INPP5A: variants seen among roughly 807,000 people sequenced by gnomAD.
The protein encoded by INPP5A is inositol polyphosphate-5-phosphatase A.
In INPP5A, 14 loss-of-function variants were observed where a neutral mutation model predicts 65.2. That is an observed-to-expected ratio of 0.21 (90% confidence interval 0.14 to 0.34). INPP5A has a LOEUF of 0.34. Ranked by LOEUF, INPP5A falls within the 10% of genes least tolerant of loss-of-function variation. The probability of loss-of-function intolerance (pLI) is 1.00; values close to 1 mark genes in which losing one functional copy is unlikely to be tolerated. For missense variants in INPP5A, 431 were observed against 545.6 expected, an observed-to-expected ratio of 0.79 and a Z score of 2.09; for synonymous variants, 207 against 208.3, an observed-to-expected ratio of 0.99 and a Z score of 0.05.
intron 1 of INPP5A, among the ~76,000 whole-genome samples, chr10:132,583,803 C>T (rs553105509): frequency 6.6e-6 from 1 of 152,218 alleles, no homozygotes; most frequent in Non-Finnish European, 1.5e-5. Context: ...TATTTTGGGC[C>T]AGGCACAGTG....
In INPP5A at chr10:132,650,542, A is replaced by T. The variant is rs377148842; in HGVS notation, c.306+37A>T. 2.1e-5 allele frequency: 32 copies of T among 1,490,200 alleles called. No individual in the cohort carries two copies. Among genetic ancestry groups the T allele is most frequent in the Non-Finnish European group, 2.9e-5 (31 of 1,069,816 alleles). 92.3% of individuals were successfully genotyped at this position (1,490,200 alleles called of 1,614,324 possible). On this transcript the variant is annotated intron_variant, in intron 4 of 15. Transcript: ENST00000368594. This position sits in a 1 kb window ranked among gnomAD's most constrained non-coding sequence, Gnocchi z 5.5. ...CCGCTGCCTGGTGCAGGGGTCAGAC[A>T]GGCTGGCCTTGGCAGAAGCCAGCCC...
chr10:132,629,931 T>G (rs146038448), intron 2 of INPP5A, among the ~76,000 whole-genome samples: 3,341 of 150,828 alleles, frequency 0.022, 51 homozygotes, highest in Middle Eastern at 0.076. Context: ...CCAAGAAGGG[T>G]GGGCGTCCTT....
rs1387843357 is a variant in INPP5A at position 132,697,193 on chromosome 10, CTTGGGTG to C, written c.371-621_371-615del. Reference sequence around the variant, plus strand: ...CCTGCCATCCTTGATCACACCCCACCTTGGGTGTGGAGCTACCTGTCCATAAAAAGAA... The same window carrying C: ...CCTGCCATCCTTGATCACACCCCACCTGGAGCTACCTGTCCATAAAAAGAA... On this transcript the variant is annotated intron_variant, in intron 5 of 15. Coordinates refer to ENST00000368594, the MANE Select transcript of INPP5A (RefSeq NM_005539.5). This position sits in a 1 kb window ranked among gnomAD's most constrained non-coding sequence, Gnocchi z 5.6. 1.3e-5 allele frequency among the ~76,000 whole-genome samples: 2 copies of C among 152,272 alleles called. No individual in the cohort carries two copies. Among genetic ancestry groups the C allele is most frequent in the South Asian group, 4.1e-4 (2 of 4,836 alleles).
Position 132,764,039 on chromosome 10 carries a change from T to C in INPP5A, c.904-1734T>C, listed in dbSNP as rs1846785845. The stretch of plus-strand genomic sequence containing the variant: ...GGCCCTTCCCAGAGGCTGTGGGTGC[T>C]GGAGGGAGGGAGTTGCTCCCTGGAA... On this transcript the variant is annotated intron_variant, in intron 11 of 15. Coordinates refer to ENST00000368594, the MANE Select transcript of INPP5A (RefSeq NM_005539.5). Among the ~76,000 whole-genome samples the C allele has an allele frequency of 3.3e-5, 5 of 152,252 alleles. No individual in the cohort carries two copies. In the South Asian group the frequency reaches 1.0e-3, roughly 32 times the overall value.
At chr10:132,640,110 A>G (rs1418538457) in intron 2 of INPP5A, among the ~76,000 whole-genome samples, 1 of 152,210 alleles carries the variant, frequency 6.6e-6, no homozygotes, top group Non-Finnish European at 1.5e-5. Flanking sequence ...ATGTTTTCAG[A>G]TTCCGATAAC....
At chr10:132,754,026 G>T (rs929031366) in intron 11 of INPP5A, 1 of 152,252 alleles carries the variant, frequency 6.6e-6, no homozygotes, top group Admixed American at 6.5e-5. Flanking sequence ...TTTTGTTCCA[G>T]CCGCAGCAGG....
Position 132,575,457 on chromosome 10 carries a change from A to G in INPP5A, c.76-32458A>G, listed in dbSNP as rs1030518697. ...CCACAGGGGCCTGCACGTCACTGTC[A>G]GTCTGGTTAAACATCATAAAATTAG... On this transcript the variant is annotated intron_variant, in intron 1 of 15. Coordinates refer to ENST00000368594, the MANE Select transcript of INPP5A (RefSeq NM_005539.5). The surrounding 1 kb of genome is among the most constrained non-coding windows in gnomAD (Gnocchi z 5.4). 6.6e-6 allele frequency among the ~76,000 whole-genome samples: 1 copy of G among 152,194 alleles called. No homozygotes were observed. Among genetic ancestry groups the G allele is most frequent in the African/African-American group, 2.4e-5 (1 of 41,444 alleles).
At chr10:132,776,829 G>A (rs1254213826) in intron 12 of INPP5A, among the ~76,000 whole-genome samples, 1 of 152,178 alleles carries the variant, frequency 6.6e-6, no homozygotes, top group Non-Finnish European at 1.5e-5. Flanking sequence ...GGGTAGTGGG[G>A]GCCATGGCCA....
intron 1 of INPP5A, among the ~76,000 whole-genome samples, chr10:132,559,519 A>C (rs560692257): frequency 6.6e-6 from 1 of 152,128 alleles, no homozygotes; most frequent in Non-Finnish European, 1.5e-5. Context: ...CCTTCCGCCA[A>C]CCACGAAGCC....
intron 1 of INPP5A, among the ~76,000 whole-genome samples, chr10:132,577,141 C>A (rs1014280448): frequency 6.6e-6 from 1 of 152,142 alleles, no homozygotes; most frequent in Non-Finnish European, 1.5e-5. Context: ...GGCAGAGGGA[C>A]CCCCAGGCAG....
chr10:132,581,684 C>G (rs558529797), intron 1 of INPP5A, among the ~76,000 whole-genome samples: 38 of 152,238 alleles, frequency 2.5e-4, no homozygotes, highest in Non-Finnish European at 4.7e-4. Flanking sequence ...TCATGTATTT[C>G]TTTTGCAAAG....
rs1846746479 is a variant in INPP5A, at chr10:132,762,196, T to C, written c.904-3577T>C. Among the ~76,000 whole-genome samples the C allele has an allele frequency of 6.6e-6, 1 of 152,136 alleles. No homozygotes were observed. The highest frequency in any genetic ancestry group is 1.5e-5 in the Non-Finnish European group (1 of 68,028). The stretch of plus-strand genomic sequence containing the variant: ...CAGTGAGGGTCCACGAGGGGCACAC[T>C]GGAGAGTCAATGGCTGGGCGTTTTC... On this transcript the variant is annotated intron_variant, in intron 11 of 15. Transcript: ENST00000368594. This position sits in a 1 kb window ranked among gnomAD's most constrained non-coding sequence, Gnocchi z 4.6.
intron 4 of INPP5A, among the ~76,000 whole-genome samples, chr10:132,684,764 T>A (rs1273168216): frequency 1.3e-5 from 2 of 152,240 alleles, no homozygotes; most frequent in African/African-American, 2.4e-5. Context: ...CTTAGCTTTG[T>A]TCTCAGAGAG....
rs2072714629 is a variant in INPP5A at position 132,659,985 on chromosome 10, C to A, written c.306+9480C>A. Among the ~76,000 whole-genome samples, 1 of 152,274 alleles carries A rather than the reference C, an allele frequency of 6.6e-6. No individual in the cohort carries two copies. Among genetic ancestry groups the A allele is most frequent in the South Asian group, 2.1e-4 (1 of 4,834 alleles). Reference sequence around the variant, plus strand: ...CTGTGACATGGCACATGACACGTGACACAACACATTCTCATGCTCCGCCGA... The same window carrying A: ...CTGTGACATGGCACATGACACGTGAAACAACACATTCTCATGCTCCGCCGA... On this transcript the variant is annotated intron_variant, in intron 4 of 15. Transcript: ENST00000368594. The surrounding 1 kb of genome is among the most constrained non-coding windows in gnomAD (Gnocchi z 5.5).
At chr10:132,643,145 T>G (rs1407952086) in intron 2 of INPP5A, among the ~76,000 whole-genome samples, 1 of 151,926 alleles carries the variant, frequency 6.6e-6, no homozygotes. Flanking sequence ...TATAGGGGGG[T>G]TTTTTTCTCC....
Position 132,607,928 on chromosome 10 carries a change from A to C in INPP5A, c.89A>C (p.Gln30Pro). Residue 30 changes from glutamine to proline, a missense_variant, in exon 2 of 16, where the codon CAG becomes CCG. Gln to Pro is a moderately conservative substitution (Grantham distance 76). Coordinates refer to ENST00000368594, the MANE Select transcript of INPP5A (RefSeq NM_005539.5). ...GSLFDDPENL[Q>P]KNWLREFYQV... ...CTTAATTTACAGCCAGAAAACCTGC[A>C]GAAGAACTGGCTTCGGGAATTTTAC... The C allele has an allele frequency of 6.2e-7, 1 of 1,611,164 alleles. No individual in the cohort carries two copies. Among genetic ancestry groups the C allele is most frequent in the Non-Finnish European group, 8.5e-7 (1 of 1,179,992 alleles).
chr10:132,694,893 T>C (rs1845321277), intron 5 of INPP5A, among the ~76,000 whole-genome samples: 1 of 152,180 alleles, frequency 6.6e-6, no homozygotes, highest in Non-Finnish European at 1.5e-5. Flanking sequence ...AATAAGTAAT[T>C]AATAACCTGC....
At chr10:132,730,427 C>G (rs1846063937) in intron 9 of INPP5A, among the ~76,000 whole-genome samples, 1 of 152,256 alleles carries the variant, frequency 6.6e-6, no homozygotes, top group South Asian at 2.1e-4. Flanking sequence ...GGGGCGCCAT[C>G]TGCTGCAGGA....
At chr10:132,592,848 A>G (rs1028222457) in intron 1 of INPP5A, among the ~76,000 whole-genome samples, 9 of 152,136 alleles carry the variant, frequency 5.9e-5, no homozygotes, top group Admixed American at 6.5e-5. Context: ...TTGTTGTTTC[A>G]TGCTTCTGTA....
Sources: allele counts gnomAD v4.1 joint callset (sites outside exome capture counted in the v4.1 genomes callset), GRCh38; gene constraint gnomAD v4.1.1; non-coding constraint Gnocchi (gnomAD v3.1); transcripts MANE v1.5; gene names NCBI Gene and HGNC (gene_info 2026-07-23, HGNC 2026-07-21).